C1QTNF7: variants seen among roughly 807,000 people sequenced by gnomAD.
C1QTNF7 encodes C1q and TNF related 7, also known as complement C1q tumor necrosis factor-related protein 7.
In C1QTNF7, 15 loss-of-function variants were observed where a neutral mutation model predicts 19.6. The observed-to-expected ratio is 0.76, with a 90% CI of 0.51 to 1.18. The LOEUF is 1.18. Among genes scored for constraint, C1QTNF7 ranks in the 50% most tolerant of loss-of-function variants. The probability of loss-of-function intolerance (pLI) is 0.00; values close to 1 mark genes in which losing one functional copy is unlikely to be tolerated. For synonymous variants in C1QTNF7, 142 were observed against 137.5 expected (o/e 1.03, Z -0.23); for missense variants, 324 against 359.7 (o/e 0.90, Z 0.80).
At chr4:15,381,843 G>A (rs544183282) in intron 1 of C1QTNF7, 4 of 152,296 alleles carry the variant, frequency 2.6e-5, no homozygotes, top group South Asian at 4.1e-4. Flanking sequence ...TTAATTGTGA[G>A]AAATTAAAAC....
At chr4:15,436,229 C>T (rs548498086) in intron 2 of C1QTNF7, among the ~76,000 whole-genome samples, 39 of 152,262 alleles carry the variant, frequency 2.6e-4, no homozygotes, top group Admixed American at 2.1e-3. Flanking sequence ...GAAAATTGAG[C>T]CACAGTGTGA....
chr4:15,389,070 AG>A (rs1158280715), intron 1 of C1QTNF7, among the ~76,000 whole-genome samples: 1 of 152,210 alleles, frequency 6.6e-6, no homozygotes, highest in Non-Finnish European at 1.5e-5. Context: ...CAGGACAAGA[AG>A]GTAAAGGACA....
chr4:15,360,680 G>A (rs1717310846), intron 1 of C1QTNF7, among the ~76,000 whole-genome samples: 1 of 152,158 alleles, frequency 6.6e-6, no homozygotes, highest in South Asian at 2.1e-4. Context: ...CAGTGTGAGA[G>A]CTGAAAGGAG....
At chr4:15,363,478 T>C (rs998749817) in intron 1 of C1QTNF7, among the ~76,000 whole-genome samples, 3 of 152,172 alleles carry the variant, frequency 2.0e-5, no homozygotes, top group Admixed American at 6.5e-5. Flanking sequence ...TCTGGATCAA[T>C]AGCAAACTAC....
chr4:15,348,361 G>T (rs1716787525), intron 1 of C1QTNF7, among the ~76,000 whole-genome samples: 1 of 152,162 alleles, frequency 6.6e-6, no homozygotes, highest in African/African-American at 2.4e-5. Flanking sequence ...GGCTTGCTTT[G>T]ATTATTCAAG....
At chr4:15,386,751 G>A (rs1409140650) in intron 1 of C1QTNF7, among the ~76,000 whole-genome samples, 1 of 152,190 alleles carries the variant, frequency 6.6e-6, no homozygotes, top group Non-Finnish European at 1.5e-5. Context: ...GAAGAACAGT[G>A]TGTGAAAATG....
At chr4:15,403,414 G>C (rs1043778740) in intron 1 of C1QTNF7, among the ~76,000 whole-genome samples, 1 of 152,162 alleles carries the variant, frequency 6.6e-6, no homozygotes, top group East Asian at 1.9e-4. Flanking sequence ...TCAAGGCTTT[G>C]ACAGGGTTTG....
intron 1 of C1QTNF7, among the ~76,000 whole-genome samples, chr4:15,408,255 G>A (rs1202990609): frequency 1.3e-4 from 16 of 121,744 alleles, no homozygotes; most frequent in African/African-American, 5.1e-4. Flanking sequence ...CTGGGCAACA[G>A]AGTGAGTAAG....
chr4:15,441,709 T>C (rs946173893), intron 2 of C1QTNF7, among the ~76,000 whole-genome samples: 37 of 152,350 alleles, frequency 2.4e-4, no homozygotes, highest in African/African-American at 8.9e-4. Context: ...TTGTTGTTAG[T>C]GCACCAGTGA....
chr4:15,392,471 G>A (rs190810518), intron 1 of C1QTNF7, among the ~76,000 whole-genome samples: 1 of 152,324 alleles, frequency 6.6e-6, no homozygotes, highest in African/African-American at 2.4e-5. Flanking sequence ...CACCTGTGCA[G>A]GGAAGCAGCC....
chr4:15,419,567 A>C (rs1033956279), intron 1 of C1QTNF7, among the ~76,000 whole-genome samples: 2 of 152,222 alleles, frequency 1.3e-5, no homozygotes, highest in Non-Finnish European at 2.9e-5. Flanking sequence ...GAAAGAAACT[A>C]AAGTGGTAAC....
At chr4:15,436,181 A>G (rs1712529029) in intron 2 of C1QTNF7, among the ~76,000 whole-genome samples, 200 bp downstream of exon 2, 1 of 152,194 alleles carries the variant, frequency 6.6e-6, no homozygotes, top group South Asian at 2.1e-4. Context: ...CTGCAATGAC[A>G]ACTCTTTCAG....
At chr4:15,438,904 C>T (rs947446218) in intron 2 of C1QTNF7, among the ~76,000 whole-genome samples, 5 of 151,876 alleles carry the variant, frequency 3.3e-5, no homozygotes, top group South Asian at 2.1e-4. Context: ...TTTACATGGA[C>T]GCATGTATGT....
intron 1 of C1QTNF7, among the ~76,000 whole-genome samples, chr4:15,345,471 A>G (rs1300445557): frequency 6.6e-6 from 1 of 152,172 alleles, no homozygotes; most frequent in Non-Finnish European, 1.5e-5. Context: ...AAAATCTCCC[A>G]TCAAGGATGT....
intron 2 of C1QTNF7, among the ~76,000 whole-genome samples, chr4:15,437,434 T>A (rs78494269): frequency 0.019 from 2,852 of 152,274 alleles, 41 homozygotes; most frequent in East Asian, 0.047. Context: ...GTAAATGTTA[T>A]AACTTATTAA....
intron 2 of C1QTNF7, among the ~76,000 whole-genome samples, chr4:15,438,415 C>G (rs1361397545): frequency 6.6e-6 from 1 of 152,080 alleles, no homozygotes; most frequent in African/African-American, 2.4e-5. Flanking sequence ...TCCCTGTTTC[C>G]CCTTTAATGA....
At chr4:15,350,543 T>A (rs1716900832) in intron 1 of C1QTNF7, among the ~76,000 whole-genome samples, 1 of 152,170 alleles carries the variant, frequency 6.6e-6, no homozygotes, top group Admixed American at 6.5e-5. Context: ...TACCTCTCAA[T>A]GGAAATCTAG....
At position 15,408,634 on chromosome 4, in the gene C1QTNF7, G is replaced by A. The variant is rs1023841921; in HGVS notation, c.14-27102G>A. 5.3e-5 allele frequency among the ~76,000 whole-genome samples: 8 copies of A among 152,250 alleles called. No homozygotes were observed. The South Asian group carries it at 1.7e-3, about 32-fold the overall frequency. The stretch of plus-strand genomic sequence containing the variant: ...CTATTGACTTAGAAAGCTGTCAGCT[G>A]TGGTGTTAACACTCCCTCCATCTCA... On this transcript the variant is annotated intron_variant, in intron 1 of 2. Transcript: ENST00000295297.
intron 1 of C1QTNF7, among the ~76,000 whole-genome samples, chr4:15,398,345 T>C (rs1036361689): frequency 6.6e-6 from 1 of 152,198 alleles, no homozygotes; most frequent in South Asian, 2.1e-4. Flanking sequence ...ATCAGACTCA[T>C]GCTTAATATC....
Sources: allele counts gnomAD v4.1 joint callset (sites outside exome capture counted in the v4.1 genomes callset), GRCh38; gene constraint gnomAD v4.1.1; transcripts MANE v1.5; gene names NCBI Gene and HGNC (gene_info 2026-07-23, HGNC 2026-07-21).